The following AKAP6 variants were observed in gnomAD, a reference collection of about 807,000 sequenced individuals.
AKAP6 encodes the protein A-kinase anchor protein 6.
A neutral mutation model predicts 188.5 loss-of-function variants in AKAP6; 58 were observed. That is an observed-to-expected ratio of 0.31 (90% CI 0.25 to 0.38). The LOEUF (loss-of-function observed/expected upper bound fraction) is 0.38. Ranked by LOEUF, AKAP6 falls within the 10% of genes least tolerant of loss-of-function variation. AKAP6 has a pLI of 1.00. For missense variants in AKAP6, 2,710 were observed against 2,740.0 expected, an observed-to-expected ratio of 0.99 and a Z score of 0.24; for synonymous variants, 989 against 998.6, an observed-to-expected ratio of 0.99 and a Z score of 0.18.
chr14:32,603,311 C>A (rs1886008814), intron 7 of AKAP6, among the ~76,000 whole-genome samples: 1 of 152,052 alleles, frequency 6.6e-6, no homozygotes, highest in Non-Finnish European at 1.5e-5. Flanking sequence ...CCGAAGTGGA[C>A]TGCAGAGATG....
chr14:32,348,136 A>G (rs535605659), intron 1 of AKAP6, among the ~76,000 whole-genome samples: 5 of 152,280 alleles, frequency 3.3e-5, no homozygotes, highest in South Asian at 2.1e-4. Flanking sequence ...CCATGCCAGG[A>G]GCAAAAGTGA....
chr14:32,620,135 T>C (rs1487012374), intron 7 of AKAP6, among the ~76,000 whole-genome samples: 2 of 152,124 alleles, frequency 1.3e-5, no homozygotes, highest in African/African-American at 4.8e-5. Flanking sequence ...ACTCATATTT[T>C]CCAATTTGGA....
Position 32,545,235 on chromosome 14 carries a change from G to A in AKAP6, c.582G>A (p.Arg194=), listed in dbSNP as rs931635354. ...ATTGCCATTGTCTGTTTCAGGGCCG[G>A]CTTGATTCTCTAACAGAAGTGGATG... ...QAFSEETKEG[R]LDSLTEVDDS... Residue 194 remains arginine (R), a synonymous_variant, in exon 4 of 14, where the codon CGG becomes CGA. Coordinates refer to ENST00000280979, the MANE Select transcript of AKAP6 (RefSeq NM_004274.5). 1 of 1,611,300 alleles carries A rather than the reference G, an allele frequency of 6.2e-7. No individual in the cohort carries two copies. Among genetic ancestry groups the A allele is most frequent in the African/African-American group, 1.3e-5 (1 of 74,864 alleles).
At chr14:32,361,859 T>C (rs148761078) in intron 1 of AKAP6, among the ~76,000 whole-genome samples, 1 of 152,276 alleles carries the variant, frequency 6.6e-6, no homozygotes, top group African/African-American at 2.4e-5. Context: ...TCCCCTCCTG[T>C]TGTGCAGGCT....
At chr14:32,512,543 T>C (rs981189612) in intron 2 of AKAP6, among the ~76,000 whole-genome samples, 4 of 152,180 alleles carry the variant, frequency 2.6e-5, no homozygotes, top group African/African-American at 7.2e-5. Context: ...TCCATTTTGG[T>C]GTGACATTGG....
chr14:32,368,761 C>G (rs1321389381), intron 1 of AKAP6, among the ~76,000 whole-genome samples: 1 of 151,858 alleles, frequency 6.6e-6, no homozygotes, highest in Non-Finnish European at 1.5e-5. Context: ...TGAGCACCTA[C>G]TATGTACTAG....
intron 11 of AKAP6, among the ~76,000 whole-genome samples, chr14:32,749,318 T>C (rs2032035209): frequency 1.3e-5 from 2 of 152,232 alleles, no homozygotes; most frequent in African/African-American, 2.4e-5. Context: ...TTTAATTTCT[T>C]TAAACAGCAC....
At chr14:32,555,928 C>T (rs1174214416) in intron 4 of AKAP6, among the ~76,000 whole-genome samples, 1 of 151,628 alleles carries the variant, frequency 6.6e-6, no homozygotes, top group African/African-American at 2.4e-5. Flanking sequence ...CTCTTCAAGA[C>T]CCTGCTTTCA....
At chr14:32,507,755 T>C (rs1594688954) in intron 2 of AKAP6, among the ~76,000 whole-genome samples, 1 of 152,190 alleles carries the variant, frequency 6.6e-6, no homozygotes. Flanking sequence ...AAATTGGATC[T>C]TGAAAAATAT....
At chr14:32,701,732 T>A (rs932214980) in intron 9 of AKAP6, among the ~76,000 whole-genome samples, 7 of 152,164 alleles carry the variant, frequency 4.6e-5, no homozygotes, top group African/African-American at 1.4e-4. Context: ...ATTCACACAT[T>A]TCAGCTTTCT....
chr14:32,793,506 A>C (rs2033672284), intron 12 of AKAP6, among the ~76,000 whole-genome samples: 2 of 152,050 alleles, frequency 1.3e-5, no homozygotes, highest in Non-Finnish European at 2.9e-5. Flanking sequence ...CCCAATACAG[A>C]AGCACACAAA....
chr14:32,401,141 G>C (rs1015539127), intron 1 of AKAP6, among the ~76,000 whole-genome samples: 15 of 152,174 alleles, frequency 9.9e-5, no homozygotes, highest in Admixed American at 5.2e-4. Flanking sequence ...AGCTAATCTA[G>C]GGTATAGGGG....
chr14:32,330,075 T>A (rs1886484442), intron 1 of AKAP6, among the ~76,000 whole-genome samples: 3 of 152,072 alleles, frequency 2.0e-5, no homozygotes, highest in African/African-American at 7.2e-5. Context: ...CTCTAGCTAG[T>A]CTCTGAAATA....
intron 2 of AKAP6, among the ~76,000 whole-genome samples, chr14:32,510,215 A>G (rs1320081880): frequency 6.6e-6 from 1 of 151,622 alleles, no homozygotes; most frequent in Non-Finnish European, 1.5e-5. Context: ...CTCTGCTATA[A>G]TGCACTCATC....
intron 1 of AKAP6, among the ~76,000 whole-genome samples, chr14:32,368,146 A>G (rs554943759): frequency 5.3e-5 from 8 of 152,068 alleles, no homozygotes; most frequent in Admixed American, 2.6e-4. Context: ...TTAGCACTCT[A>G]TTAATCCTCC....
intron 1 of AKAP6, among the ~76,000 whole-genome samples, chr14:32,388,177 G>T (rs986430845): frequency 6.6e-6 from 1 of 152,108 alleles, no homozygotes; most frequent in Admixed American, 6.5e-5. Context: ...TATTTCTGTG[G>T]TGTCAGTCGT....
Position 32,823,748 on chromosome 14 carries a change from C to T in AKAP6, c.5935C>T (p.Pro1979Ser). 6.2e-7 allele frequency: 1 copy of T among 1,613,654 alleles called. No homozygotes were observed. The highest frequency in any genetic ancestry group is 8.5e-7 in the Non-Finnish European group (1 of 1,179,894). Residue 1979 changes from proline (P) to serine (S), a missense_variant, in exon 13 of 14, where the codon CCC becomes TCC. Transcript: ENST00000280979. ...HFENQSTASTPTEKSFSELAL... is the reference protein window; with the variant it reads ...HFENQSTASTSTEKSFSELAL... ...TGAAAATCAAAGCACTGCCTCTACT[C>T]CCACTGAGAAGTCTTTCTCAGAACT...
At chr14:32,346,441 A>C (rs1458955663) in intron 1 of AKAP6, among the ~76,000 whole-genome samples, 1 of 152,230 alleles carries the variant, frequency 6.6e-6, no homozygotes, top group African/African-American at 2.4e-5. Flanking sequence ...TTTACCAAGC[A>C]CTTTCACTTG....
intron 7 of AKAP6, among the ~76,000 whole-genome samples, chr14:32,623,922 G>C (rs1264300425): frequency 6.6e-6 from 1 of 152,094 alleles, no homozygotes; most frequent in African/African-American, 2.4e-5. Context: ...GGAAACCCTG[G>C]GGGAATAAGT....
Sources: allele counts gnomAD v4.1 joint callset (sites outside exome capture counted in the v4.1 genomes callset), GRCh38; gene constraint gnomAD v4.1.1; transcripts MANE v1.5; gene names NCBI Gene and HGNC (gene_info 2026-07-23, HGNC 2026-07-21).